The following ELMO1 variants were observed in gnomAD, a reference collection of about 807,000 sequenced individuals.
ELMO1 encodes engulfment and cell motility protein 1.
In ELMO1, 26 loss-of-function variants were observed where a neutral mutation model predicts 98.9. The observed-to-expected ratio is 0.26, with a 90% CI of 0.19 to 0.36. The LOEUF is 0.36. Among genes scored for constraint, ELMO1 ranks in the 10% least tolerant of loss-of-function variants. The pLI, the probability that ELMO1 is intolerant of heterozygous loss-of-function variation, is 1.00. For synonymous variants in ELMO1, 346 were observed against 346.0 expected (o/e 1.00, Z 0.00); for missense variants, 627 against 935.2 (o/e 0.67, Z 4.30).
chr7:36,882,022 A>G (rs1804505918), intron 18 of ELMO1, among the ~76,000 whole-genome samples: 1 of 152,166 alleles, frequency 6.6e-6, no homozygotes, highest in Non-Finnish European at 1.5e-5. Context: ...CAAGCTGAAC[A>G]ATGGCAACCA....
At chr7:36,883,046 T>C (rs1053292322) in intron 18 of ELMO1, among the ~76,000 whole-genome samples, 2 of 152,204 alleles carry the variant, frequency 1.3e-5, no homozygotes, top group African/African-American at 4.8e-5. Context: ...CAGGGCAATA[T>C]GGTTACCATG....
intron 16 of ELMO1, among the ~76,000 whole-genome samples, chr7:36,960,414 T>C (rs1291956838): frequency 6.6e-6 from 1 of 152,134 alleles, no homozygotes; most frequent in Non-Finnish European, 1.5e-5. Context: ...TTATTTTATT[T>C]TTTGCCTTGC....
At chr7:36,967,538 T>C (rs1022845244) in intron 16 of ELMO1, among the ~76,000 whole-genome samples, 13 of 152,114 alleles carry the variant, frequency 8.5e-5, no homozygotes, top group African/African-American at 3.1e-4. Flanking sequence ...TTTGCACTTC[T>C]GGCAAAGGGA....
intron 4 of ELMO1, among the ~76,000 whole-genome samples, chr7:37,297,987 T>C (rs1284827651): frequency 6.6e-6 from 1 of 152,198 alleles, no homozygotes; most frequent in Non-Finnish European, 1.5e-5. Context: ...CTCTAAGTAA[T>C]AGGATTTTGA....
At chr7:37,421,311 C>T (rs1804461245) in intron 1 of ELMO1, among the ~76,000 whole-genome samples, 1 of 152,210 alleles carries the variant, frequency 6.6e-6, no homozygotes, top group African/African-American at 2.4e-5. Flanking sequence ...CTTATTTCAT[C>T]CAGTTTGACG....
At chr7:36,902,778 G>A (rs953732646) in intron 16 of ELMO1, among the ~76,000 whole-genome samples, 3 of 152,174 alleles carry the variant, frequency 2.0e-5, no homozygotes, top group African/African-American at 4.8e-5. Flanking sequence ...GCATGTTGAC[G>A]AAAGTCAGGA....
intron 15 of ELMO1, among the ~76,000 whole-genome samples, chr7:37,033,127 C>A (rs1445888541): frequency 6.6e-6 from 1 of 152,152 alleles, no homozygotes; most frequent in Non-Finnish European, 1.5e-5. Context: ...TCCATAATCG[C>A]TGTCTCCTGG....
intron 16 of ELMO1, among the ~76,000 whole-genome samples, chr7:37,003,847 T>C (rs1297461618): frequency 6.6e-6 from 1 of 152,180 alleles, no homozygotes; most frequent in Non-Finnish European, 1.5e-5. Flanking sequence ...CTGATCCCAC[T>C]CTCTCACTCT....
intron 14 of ELMO1, among the ~76,000 whole-genome samples, chr7:37,111,028 A>C (rs1012421522): frequency 6.6e-6 from 1 of 152,200 alleles, no homozygotes; most frequent in Non-Finnish European, 1.5e-5. Context: ...CCCGTTTACC[A>C]CCACATTCTA....
intron 17 of ELMO1, among the ~76,000 whole-genome samples, chr7:36,892,655 C>A (rs1805661898): frequency 6.6e-6 from 1 of 152,244 alleles, no homozygotes; most frequent in South Asian, 2.1e-4. Context: ...AGAAGTTAGA[C>A]TTCATGTAAC....
chr7:37,122,249 C>T (rs150505502), intron 14 of ELMO1, among the ~76,000 whole-genome samples: 6,323 of 151,674 alleles, frequency 0.042, 164 homozygotes, highest in Non-Finnish European at 0.063. Context: ...AATAACCAGC[C>T]AACATCATAA....
intron 13 of ELMO1, among the ~76,000 whole-genome samples, chr7:37,137,607 G>A (rs190004267): frequency 1.7e-3 from 259 of 151,690 alleles, no homozygotes; most frequent in African/African-American, 5.9e-3. Context: ...GTGCAATCTC[G>A]CTCACTGCAA....
chr7:37,373,816 T>C (rs750511218), intron 1 of ELMO1, among the ~76,000 whole-genome samples: 1 of 152,212 alleles, frequency 6.6e-6, no homozygotes, highest in Non-Finnish European at 1.5e-5. Context: ...GTTCTCTCCT[T>C]TGCCTGCTGC....
chr7:37,238,537 C>A (rs1794595570), intron 7 of ELMO1, among the ~76,000 whole-genome samples: 1 of 152,030 alleles, frequency 6.6e-6, no homozygotes, highest in African/African-American at 2.4e-5. Context: ...TTATATTATG[C>A]TTTTAGTTTC....
intron 15 of ELMO1, among the ~76,000 whole-genome samples, chr7:37,085,117 C>T (rs1324841728): frequency 2.0e-5 from 3 of 152,098 alleles, no homozygotes; most frequent in African/African-American, 7.2e-5. Context: ...ACCTGATTGG[C>T]ATCCACCTTC....
intron 1 of ELMO1, among the ~76,000 whole-genome samples, chr7:37,370,487 G>A (rs1802074843): frequency 6.6e-6 from 1 of 152,042 alleles, no homozygotes; most frequent in African/African-American, 2.4e-5. Flanking sequence ...TTATGATGGG[G>A]AGAAAAGGGA....
intron 16 of ELMO1, among the ~76,000 whole-genome samples, chr7:37,003,422 A>G (rs1792827163): frequency 6.6e-6 from 1 of 152,214 alleles, no homozygotes; most frequent in Admixed American, 6.5e-5. Flanking sequence ...ATGTAGCCTT[A>G]CTTTGATATC....
At chr7:37,407,990 A>C (rs1248553049) in intron 1 of ELMO1, among the ~76,000 whole-genome samples, 1 of 152,170 alleles carries the variant, frequency 6.6e-6, no homozygotes, top group Non-Finnish European at 1.5e-5. Flanking sequence ...TAAAATATTT[A>C]TTAATTTTAA....
chr7:37,094,635 T>C (rs971855754), intron 15 of ELMO1, among the ~76,000 whole-genome samples: 6 of 152,222 alleles, frequency 3.9e-5, no homozygotes, highest in Admixed American at 3.9e-4. Flanking sequence ...TGCCTGCACC[T>C]GCTCTGGAAT....
Sources: allele counts gnomAD v4.1 joint callset (sites outside exome capture counted in the v4.1 genomes callset), GRCh38; gene constraint gnomAD v4.1.1; transcripts MANE v1.5; gene names NCBI Gene and HGNC (gene_info 2026-07-23, HGNC 2026-07-21).